The following PACS1 variants were observed in gnomAD, a reference collection of about 807,000 sequenced individuals.
The protein encoded by PACS1 is PACS-1.
PACS1 carries 24 observed loss-of-function variants against 115.0 expected under a neutral mutation model. That is an observed-to-expected ratio of 0.21 (90% CI 0.15 to 0.29). The LOEUF is 0.29. PACS1 is among the 10% of genes least tolerant of loss of function. PACS1 has a pLI of 1.00. For synonymous variants in PACS1, 453 were observed against 504.5 expected, an observed-to-expected ratio of 0.90 and a Z score of 1.37; for missense variants, 838 against 1,251.2, an observed-to-expected ratio of 0.67 and a Z score of 4.98.
intron 19 of PACS1, chr11:66,238,162 G>T (rs940214904): frequency 2.0e-6 from 2 of 985,240 alleles, no homozygotes; most frequent in Non-Finnish European, 2.4e-6. Flanking sequence ...AATTCCTAAA[G>T]AACCCCCCCA....
At chr11:66,186,882 G>T (rs1301862482) in intron 1 of PACS1, among the ~76,000 whole-genome samples, 1 of 152,176 alleles carries the variant, frequency 6.6e-6, no homozygotes, top group Non-Finnish European at 1.5e-5. Flanking sequence ...TGGCCAGAGG[G>T]CTCCCTCATA....
At chr11:66,104,867 T>G (rs983579703) in intron 1 of PACS1, among the ~76,000 whole-genome samples, 2 of 152,218 alleles carry the variant, frequency 1.3e-5, no homozygotes, top group Non-Finnish European at 2.9e-5. Context: ...GGTTTTTGTC[T>G]TTTCCTCACT....
intron 1 of PACS1, among the ~76,000 whole-genome samples, chr11:66,113,493 C>CT (rs1266339623): frequency 6.6e-6 from 1 of 152,134 alleles, no homozygotes; most frequent in South Asian, 2.1e-4. Flanking sequence ...ACCTCAAAGA[C>CT]TAAGTATCTC....
Position 66,220,716 on chromosome 11 carries a change from T to C in PACS1, c.1124T>C (p.Met375Thr). ...DLDELYDSLE[M>T]YNPSDSGPEM... ...GATGAATTGTATGACAGTCTGGAGA[T>C]GTACAACCCCAGCGACAGTGGCCCT... The change falls in exon 9 of 24, where the codon ATG (methionine) becomes ACG (threonine). Residue 375 changes from methionine to threonine, a missense_variant. Coordinates refer to ENST00000320580, the MANE Select transcript of PACS1 (RefSeq NM_018026.4). The C allele has an allele frequency of 6.2e-7, 1 of 1,614,088 alleles. No homozygotes were observed. Among genetic ancestry groups the C allele is most frequent in the Non-Finnish European group, 8.5e-7 (1 of 1,179,980 alleles).
At chr11:66,135,570 A>G (rs1158895682) in intron 1 of PACS1, among the ~76,000 whole-genome samples, 1 of 152,028 alleles carries the variant, frequency 6.6e-6, no homozygotes, top group Non-Finnish European at 1.5e-5. Flanking sequence ...ACATGCCAGC[A>G]CTGTCACCCA....
Position 66,220,732 on chromosome 11 carries a change from C to T in PACS1, c.1140C>T (p.Asp380=). The change falls in exon 9 of 24, where the codon GAC becomes GAT. Residue 380 remains aspartate (D), a synonymous_variant. Coordinates refer to ENST00000320580, the MANE Select transcript of PACS1 (RefSeq NM_018026.4). Reference sequence around the variant, plus strand: ...GTCTGGAGATGTACAACCCCAGCGACAGTGGCCCTGAGATGGAGGAGACAG... The same window carrying T: ...GTCTGGAGATGTACAACCCCAGCGATAGTGGCCCTGAGATGGAGGAGACAG... The part of the protein sequence containing the change: ...YDSLEMYNPS[D]SGPEMEETES... The T allele has an allele frequency of 6.2e-7, 1 of 1,614,198 alleles. No homozygotes were observed. Among genetic ancestry groups the T allele is most frequent in the Non-Finnish European group, 8.5e-7 (1 of 1,180,020 alleles).
At chr11:66,179,657 A>G (rs1859955125) in intron 1 of PACS1, among the ~76,000 whole-genome samples, 1 of 152,168 alleles carries the variant, frequency 6.6e-6, no homozygotes, top group African/African-American at 2.4e-5. Context: ...CCATCAGTAA[A>G]CTGGAAATAG....
intron 1 of PACS1, among the ~76,000 whole-genome samples, chr11:66,085,173 T>C (rs1336998098): frequency 6.6e-6 from 1 of 152,210 alleles, no homozygotes; most frequent in Non-Finnish European, 1.5e-5. Flanking sequence ...TTTTTAATAT[T>C]TTTTCTTTTC....
At chr11:66,152,406 A>C (rs1429262587) in intron 1 of PACS1, among the ~76,000 whole-genome samples, 1 of 152,228 alleles carries the variant, frequency 6.6e-6, no homozygotes, top group Non-Finnish European at 1.5e-5. Context: ...GTAGCCTAAC[A>C]TAAGTGTACT....
At chr11:66,094,730 A>G (rs1590739758) in intron 1 of PACS1, among the ~76,000 whole-genome samples, 1 of 152,178 alleles carries the variant, frequency 6.6e-6, no homozygotes, top group East Asian at 1.9e-4. Flanking sequence ...AAAGCCGGGC[A>G]GAGACACAAC....
At chr11:66,101,653 G>T (rs891518642) in intron 1 of PACS1, among the ~76,000 whole-genome samples, 2 of 152,206 alleles carry the variant, frequency 1.3e-5, no homozygotes, top group African/African-American at 4.8e-5. Flanking sequence ...TGGGTGGGAA[G>T]TTGGGAAAAT....
intron 2 of PACS1, among the ~76,000 whole-genome samples, chr11:66,200,009 ACT>A (rs1289323607): frequency 6.8e-6 from 1 of 147,244 alleles, no homozygotes; most frequent in African/African-American, 2.5e-5. Context: ...ACTGTGCGAG[ACT>A]CTGTCTCAAA....
chr11:66,176,677 A>G (rs897041452), intron 1 of PACS1, among the ~76,000 whole-genome samples: 2 of 151,978 alleles, frequency 1.3e-5, no homozygotes, highest in African/African-American at 2.4e-5. Flanking sequence ...GCCTCCCAAA[A>G]TGCTGGGATT....
At chr11:66,231,072 T>C (rs1237325770) in intron 13 of PACS1, 132 bp downstream of exon 13, 15 of 1,156,544 alleles carry the variant, frequency 1.3e-5, no homozygotes, top group Admixed American at 2.0e-5. Flanking sequence ...ACAAAAACTC[T>C]TGAAGAAAGA....
intron 1 of PACS1, among the ~76,000 whole-genome samples, chr11:66,171,789 C>A (rs569459323): frequency 6.8e-6 from 1 of 147,002 alleles, no homozygotes; most frequent in Non-Finnish European, 1.5e-5. Context: ...CCATGTTAGC[C>A]AGGATGGTCT....
At chr11:66,107,392 T>C (rs1858074266) in intron 1 of PACS1, among the ~76,000 whole-genome samples, 1 of 152,176 alleles carries the variant, frequency 6.6e-6, no homozygotes, top group Non-Finnish European at 1.5e-5. Context: ...CCTTTCTCCA[T>C]AGCACTTGTC....
At chr11:66,163,001 G>GT (rs1859526893) in intron 1 of PACS1, among the ~76,000 whole-genome samples, 1 of 152,112 alleles carries the variant, frequency 6.6e-6, no homozygotes, top group African/African-American at 2.4e-5. Flanking sequence ...AGTGATACAA[G>GT]TAAGTCTCAT....
intron 1 of PACS1, among the ~76,000 whole-genome samples, chr11:66,118,789 A>C (rs1199730309): frequency 1.3e-5 from 2 of 150,960 alleles, no homozygotes; most frequent in Non-Finnish European, 3.0e-5. Context: ...AAAAAAAAAA[A>C]AAAGAAAGAA....
At chr11:66,080,942 G>T (rs747032468) in intron 1 of PACS1, among the ~76,000 whole-genome samples, 3 of 152,042 alleles carry the variant, frequency 2.0e-5, no homozygotes, top group Non-Finnish European at 2.9e-5. Flanking sequence ...CATAATAATT[G>T]TCCCTGCTGA....
Sources: gnomAD v4.1 joint callset for allele counts (sites outside exome capture counted in the v4.1 genomes callset) on GRCh38, gnomAD v4.1.1 for gene constraint, MANE v1.5 for transcripts, NCBI Gene and HGNC (gene_info 2026-07-23, HGNC 2026-07-21) for gene names.